MPPED1: variants seen among roughly 807,000 people sequenced by gnomAD.
MPPED1 encodes metallophosphoesterase domain containing 1.
In MPPED1, 16 loss-of-function variants were observed where a neutral mutation model predicts 36.2. The observed-to-expected ratio is 0.44, with a 90% CI of 0.30 to 0.67. The LOEUF (loss-of-function observed/expected upper bound fraction) is 0.67. Among genes scored for constraint, MPPED1 ranks in the 30% least tolerant of loss-of-function variants. The probability of loss-of-function intolerance (pLI) is 0.10; values close to 1 mark genes in which losing one functional copy is unlikely to be tolerated. For synonymous variants in MPPED1, 199 were observed against 191.3 expected, an observed-to-expected ratio of 1.04 and a Z score of -0.33; for missense variants, 307 against 453.4, an observed-to-expected ratio of 0.68 and a Z score of 2.93.
rs1460909058 is a variant in MPPED1 at position 43,483,060 on chromosome 22, G to T, written c.632+8099G>T. On this transcript the variant is annotated intron_variant, in intron 4 of 6. Coordinates refer to ENST00000443721, the MANE Select transcript of MPPED1 (RefSeq NM_001044370.2). The stretch of plus-strand genomic sequence containing the variant: ...TATGGCTGAGAGGTCTGAGACCCCA[G>T]CAGGGAAGTGTCTTGTGTGAGGTCC... Among the ~76,000 whole-genome samples, 9 of 152,372 alleles carry T rather than the reference G, an allele frequency of 5.9e-5. No homozygotes were observed. The East Asian group carries it at 1.5e-3, about 26-fold the overall frequency.
intron 1 of MPPED1, among the ~76,000 whole-genome samples, chr22:43,424,109 C>T (rs73426273): frequency 7.2e-5 from 11 of 152,180 alleles, no homozygotes; most frequent in South Asian, 4.2e-4. Context: ...TGCACTTCCC[C>T]GTGAAAAAGA....
chr22:43,497,549 G>A (rs1384674075), intron 4 of MPPED1, among the ~76,000 whole-genome samples: 1 of 152,052 alleles, frequency 6.6e-6, no homozygotes, highest in Non-Finnish European at 1.5e-5. Context: ...GGATCTAGGT[G>A]ATGTGTTCAC....
intron 4 of MPPED1, among the ~76,000 whole-genome samples, chr22:43,483,623 T>C (rs762363881): frequency 1.5e-4 from 23 of 152,282 alleles, no homozygotes; most frequent in Non-Finnish European, 2.8e-4. Context: ...AAAACATTTA[T>C]GTTTTAGTCT....
At chr22:43,436,353 T>C (rs1929960248) in intron 3 of MPPED1, among the ~76,000 whole-genome samples, 1 of 152,166 alleles carries the variant, frequency 6.6e-6, no homozygotes, top group Admixed American at 6.5e-5. Flanking sequence ...GGCGTCCCGC[T>C]GTGCAGTTGG....
At chr22:43,485,119 C>T (rs1931870472) in intron 4 of MPPED1, among the ~76,000 whole-genome samples, 1 of 152,040 alleles carries the variant, frequency 6.6e-6, no homozygotes, top group Non-Finnish European at 1.5e-5. Context: ...CACATGTACA[C>T]ACAATATCAT....
intron 1 of MPPED1, among the ~76,000 whole-genome samples, chr22:43,420,364 T>C (rs927702059): frequency 2.0e-5 from 3 of 151,712 alleles, no homozygotes; most frequent in African/African-American, 7.3e-5. Context: ...ATTCCCCAGG[T>C]CGGGGTGTCA....
chr22:43,445,558 C>CTTTTTT (rs135055), intron 3 of MPPED1, among the ~76,000 whole-genome samples: 116 of 123,892 alleles, frequency 9.4e-4, no homozygotes, highest in African/African-American at 3.3e-3. Flanking sequence ...CTGATGTTTC[C>CTTTTTT]TTTTTTTTTT....
chr22:43,481,155 G>A (rs1456622030), intron 4 of MPPED1, among the ~76,000 whole-genome samples: 1 of 152,138 alleles, frequency 6.6e-6, no homozygotes, highest in Non-Finnish European at 1.5e-5. Context: ...AACTTTTGCT[G>A]TTTTGCCTCT....
intron 2 of MPPED1, among the ~76,000 whole-genome samples, chr22:43,432,849 G>GGAGAGAGAGAGAGAGGGAGGA (rs1297482212): frequency 2.5e-5 from 1 of 40,768 alleles, no homozygotes; most frequent in Non-Finnish European, 5.6e-5. Flanking sequence ...GAGAAAGGGA[G>GGAGAGAGAGAGAGAGGGAGGA]GAGAGAGAGA....
At chr22:43,415,192 T>C (rs1297305642) in intron 1 of MPPED1, among the ~76,000 whole-genome samples, 1 of 134,734 alleles carries the variant, frequency 7.4e-6, no homozygotes, top group African/African-American at 2.8e-5. Flanking sequence ...GTTGTCTGAC[T>C]TGAGTTTGAA....
At chr22:43,464,264 T>TGAAC (rs1457544178) in intron 3 of MPPED1, among the ~76,000 whole-genome samples, 1 of 150,694 alleles carries the variant, frequency 6.6e-6, no homozygotes, top group African/African-American at 2.4e-5. Flanking sequence ...GTATATGAAT[T>TGAAC]GAACATCTGA....
chr22:43,433,205 CT>C (rs1929827570), intron 2 of MPPED1, among the ~76,000 whole-genome samples: 1 of 152,042 alleles, frequency 6.6e-6, no homozygotes, highest in Non-Finnish European at 1.5e-5. Context: ...GACACTACCC[CT>C]GATGGAAGCT....
chr22:43,438,191 A>G (rs1930030504), intron 3 of MPPED1, among the ~76,000 whole-genome samples: 2 of 152,038 alleles, frequency 1.3e-5, no homozygotes, highest in African/African-American at 4.8e-5. Flanking sequence ...AGAGAGAGCT[A>G]TGGGGTCTGT....
At chr22:43,455,125 T>TTTTTTTTTTTTA (rs2146858774) in intron 3 of MPPED1, among the ~76,000 whole-genome samples, 1 of 150,344 alleles carries the variant, frequency 6.7e-6, no homozygotes, top group Admixed American at 6.6e-5. Context: ...CTTTTTTTTT[T>TTTTTTTTTTTTA]TTGAGACGAA....
rs1252737230 is a variant in MPPED1, at chr22:43,418,537, G to A, written c.-78-6371G>A. 1.7e-5 allele frequency: 3 copies of A among 181,248 alleles called. No individual in the cohort carries two copies. The Admixed American group carries it at 1.7e-4, about 10-fold the overall frequency. The allele number at this position is 181,248 out of a possible 1,614,324, so 11.2% of individuals were successfully genotyped here. On this transcript the variant is annotated intron_variant, in intron 1 of 6. Coordinates refer to ENST00000443721, the MANE Select transcript of MPPED1 (RefSeq NM_001044370.2). ...CCTTCAGCACACACTGGCTGGCCTC[G>A]CTGTTTGGTGGGGGCCTTCTTAGGG...
intron 3 of MPPED1, among the ~76,000 whole-genome samples, chr22:43,468,384 G>A (rs1931247430): frequency 6.6e-6 from 1 of 152,170 alleles, no homozygotes; most frequent in South Asian, 2.1e-4. Flanking sequence ...GAGTCCAACT[G>A]GCCTGTCTCC....
chr22:43,473,719 C>T (rs879940480), intron 3 of MPPED1, among the ~76,000 whole-genome samples: 2 of 152,122 alleles, frequency 1.3e-5, no homozygotes, highest in Non-Finnish European at 2.9e-5. Context: ...GGGGCAGGGG[C>T]GAGTGGCGTT....
intron 2 of MPPED1, among the ~76,000 whole-genome samples, chr22:43,432,397 G>A (rs557514779): frequency 1.6e-4 from 21 of 129,668 alleles, no homozygotes; most frequent in African/African-American, 4.8e-4. Context: ...AGAGAGAAAC[G>A]GAGGAGAGAG....
Position 43,474,659 on chromosome 22 carries a change from C to T in MPPED1, c.407-77C>T. 6.4e-7 allele frequency: 1 copy of T among 1,570,092 alleles called. No homozygotes were observed. Among genetic ancestry groups the T allele is most frequent in the African/African-American group, 1.4e-5 (1 of 73,328 alleles). On this transcript the variant is annotated intron_variant, in intron 3 of 6. Coordinates refer to ENST00000443721, the MANE Select transcript of MPPED1 (RefSeq NM_001044370.2). This position sits in a 1 kb window ranked among gnomAD's most constrained non-coding sequence, Gnocchi z 5.2. The stretch of plus-strand genomic sequence containing the variant: ...TTCATGCAGCTTCCTCCTGCCCGCC[C>T]CTCTCTCAGCCGTGCTGTGGCTTCT...
Sources: gnomAD v4.1 joint callset for allele counts (sites outside exome capture counted in the v4.1 genomes callset) on GRCh38, gnomAD v4.1.1 for gene constraint, Gnocchi (gnomAD v3.1) non-coding constraint, MANE v1.5 for transcripts, NCBI Gene and HGNC (gene_info 2026-07-23, HGNC 2026-07-21) for gene names.